Variants in ULK4 observed in about 807,000 individuals in gnomAD.
The protein encoded by ULK4 is unc-51 like kinase 4.
ULK4 carries 133 observed loss-of-function variants against 160.6 expected under a neutral mutation model. That is an observed-to-expected ratio of 0.83 (90% CI 0.72 to 0.96). ULK4 has a LOEUF of 0.96. Ranked by LOEUF, ULK4 falls within the 40% of genes least tolerant of loss-of-function variation. The pLI is 0.00. For synonymous variants in ULK4, 534 were observed against 539.8 expected, an observed-to-expected ratio of 0.99 and a Z score of 0.15; for missense variants, 1,580 against 1,499.5, an observed-to-expected ratio of 1.05 and a Z score of -0.89.
chr3:41,502,697 T>C (rs2085252028), intron 32 of ULK4, among the ~76,000 whole-genome samples: 1 of 152,238 alleles, frequency 6.6e-6, no homozygotes. Context: ...GACACAAATG[T>C]TTACATATTG....
intron 32 of ULK4, among the ~76,000 whole-genome samples, chr3:41,480,302 G>C (rs916653499): frequency 6.6e-6 from 1 of 150,854 alleles, no homozygotes; most frequent in Non-Finnish European, 1.5e-5. Context: ...GTTTGCTATA[G>C]ATTCTAAGTA....
chr3:41,300,222 T>C (rs1456073626), intron 35 of ULK4, among the ~76,000 whole-genome samples: 1 of 152,176 alleles, frequency 6.6e-6, no homozygotes, highest in African/African-American at 2.4e-5. Context: ...GATTTATATA[T>C]CACCGAATAA....
chr3:41,827,771 A>C (rs1347950238), intron 18 of ULK4, among the ~76,000 whole-genome samples: 2 of 152,116 alleles, frequency 1.3e-5, no homozygotes, highest in African/African-American at 4.8e-5. Context: ...TCAATAGAAA[A>C]AGAGGGAATC....
chr3:41,921,250 T>A (rs1015007171), intron 5 of ULK4, among the ~76,000 whole-genome samples: 6 of 152,128 alleles, frequency 3.9e-5, no homozygotes, highest in Admixed American at 3.3e-4. Flanking sequence ...AGGCGAAGGC[T>A]GCAGTGAACC....
chr3:41,773,937 T>C (rs553805237), intron 21 of ULK4, among the ~76,000 whole-genome samples: 2 of 152,192 alleles, frequency 1.3e-5, no homozygotes, highest in African/African-American at 4.8e-5. Flanking sequence ...AACTATCTGA[T>C]CTTTGACAAA....
At position 41,842,139 on chromosome 3, in the gene ULK4, C is replaced by CAAA. The variant is rs60925540; in HGVS notation, c.1657-6171_1657-6169dup. ...AAAACCCAAGAATGATCAATAAATA[C>CAAA]AAAAAAAAAAAAAAGAAAATAACGC... On this transcript the variant is annotated intron_variant, in intron 17 of 36. Transcript: ENST00000301831. Among the ~76,000 whole-genome samples the CAAA allele has an allele frequency of 1.9e-3, 130 of 68,752 alleles. 1 individual carries two copies. Among genetic ancestry groups the CAAA allele is most frequent in the Middle Eastern group, 8.6e-3 (1 of 116 alleles). The allele number at this position is 68,752 out of a possible 152,430, so 45.1% of individuals were successfully genotyped here. A position where few individuals can be genotyped will look rare whatever the true frequency, so the allele number is the denominator to read the frequency against.
intron 12 of ULK4, among the ~76,000 whole-genome samples, chr3:41,905,758 T>C (rs1383912185): frequency 6.6e-6 from 1 of 152,006 alleles, no homozygotes; most frequent in Non-Finnish European, 1.5e-5. Context: ...TAAATGCAAA[T>C]CAACACCACT....
At chr3:41,460,589 T>C (rs2083659955) in intron 33 of ULK4, among the ~76,000 whole-genome samples, 2 of 152,112 alleles carry the variant, frequency 1.3e-5, no homozygotes, top group South Asian at 2.1e-4. Flanking sequence ...AAATAACTCA[T>C]AAGCCTGCTA....
At chr3:41,540,198 C>T (rs1349767272) in intron 32 of ULK4, among the ~76,000 whole-genome samples, 1 of 152,020 alleles carries the variant, frequency 6.6e-6, no homozygotes, top group Non-Finnish European at 1.5e-5. Flanking sequence ...TCCTAATGCT[C>T]TCCCTCCCCT....
chr3:41,584,847 A>G (rs2030673604), intron 31 of ULK4, among the ~76,000 whole-genome samples: 1 of 152,196 alleles, frequency 6.6e-6, no homozygotes, highest in South Asian at 2.1e-4. Flanking sequence ...ACTTATTAAA[A>G]GTAACAATAG....
intron 31 of ULK4, among the ~76,000 whole-genome samples, chr3:41,593,977 G>A (rs966105221): frequency 5.3e-5 from 8 of 151,986 alleles, no homozygotes; most frequent in Admixed American, 2.6e-4. Flanking sequence ...CCTGGGAGGC[G>A]GAGGTTGCAG....
chr3:41,443,560 C>T (rs1052989122), intron 34 of ULK4, among the ~76,000 whole-genome samples: 1 of 152,090 alleles, frequency 6.6e-6, no homozygotes, highest in Admixed American at 6.5e-5. Flanking sequence ...AAAGTTTATA[C>T]TTTCATGTAA....
intron 17 of ULK4, among the ~76,000 whole-genome samples, chr3:41,848,263 G>T (rs1368050479): frequency 7.2e-6 from 1 of 138,044 alleles, no homozygotes; most frequent in Non-Finnish European, 1.5e-5. Flanking sequence ...TGCATAAGTA[G>T]ATTTCTCATA....
intron 30 of ULK4, among the ~76,000 whole-genome samples, chr3:41,623,959 TAAA>T (rs903285889): frequency 6.6e-6 from 1 of 152,200 alleles, no homozygotes; most frequent in Non-Finnish European, 1.5e-5. Context: ...AATTGTCAGT[TAAA>T]AATAATTTTA....
chr3:41,404,850 C>T (rs1323840875), intron 34 of ULK4, among the ~76,000 whole-genome samples: 1 of 152,242 alleles, frequency 6.6e-6, no homozygotes, highest in Non-Finnish European at 1.5e-5. Flanking sequence ...CTGATTCAGA[C>T]TTCCAAACCT....
chr3:41,672,801 C>G (rs186202308), intron 29 of ULK4, among the ~76,000 whole-genome samples: 2 of 152,202 alleles, frequency 1.3e-5, no homozygotes, highest in Admixed American at 6.6e-5. Flanking sequence ...AACAAAATTT[C>G]ACATGTGCCC....
chr3:41,455,450 ACTT>A, intron 34 of ULK4, 44 bp downstream of exon 34: 1 of 1,516,178 alleles, frequency 6.6e-7, no homozygotes, highest in Non-Finnish European at 9.1e-7. Flanking sequence ...AAATAAAATT[ACTT>A]CAACTTCAGT....
intron 34 of ULK4, among the ~76,000 whole-genome samples, chr3:41,421,603 A>T (rs973401205): frequency 6.6e-6 from 1 of 152,148 alleles, no homozygotes; most frequent in Non-Finnish European, 1.5e-5. Context: ...CTATTCCTGA[A>T]TTCCAGAATC....
At chr3:41,529,088 G>A (rs943463647) in intron 32 of ULK4, among the ~76,000 whole-genome samples, 1 of 152,202 alleles carries the variant, frequency 6.6e-6, no homozygotes, top group Admixed American at 6.5e-5. Context: ...AGAGAAAGAA[G>A]AGCCAACTTG....
Sources: allele counts gnomAD v4.1 joint callset (sites outside exome capture counted in the v4.1 genomes callset), GRCh38; gene constraint gnomAD v4.1.1; transcripts MANE v1.5; gene names NCBI Gene and HGNC (gene_info 2026-07-23, HGNC 2026-07-21).